CFHR2: variants seen among roughly 807,000 people sequenced by gnomAD.
CFHR2 encodes the protein complement factor H-related protein 2.
A neutral mutation model predicts 21.7 loss-of-function variants in CFHR2; 22 were observed. That is an observed-to-expected ratio of 1.01 (90% CI 0.72 to 1.45). The LOEUF is 1.45. Among genes scored for constraint, CFHR2 ranks in the 40% most tolerant of loss-of-function variants. The pLI is 0.00. For synonymous variants in CFHR2, 98 were observed against 97.4 expected, an observed-to-expected ratio of 1.01 and a Z score of -0.04; for missense variants, 294 against 293.3, an observed-to-expected ratio of 1.00 and a Z score of -0.02.
intron 2 of CFHR2, 80 bp downstream of exon 2, chr1:196,949,729 G>T (rs1314802737): frequency 1.3e-5 from 20 of 1,556,456 alleles, no homozygotes; most frequent in Non-Finnish European, 1.8e-5. Flanking sequence ...ATAAACACTT[G>T]ATAATCACAG....
In CFHR2 at chr1:196,954,572, A is replaced by T. The variant is rs9427650; in HGVS notation, c.431-3319A>T. ...TTTCCCTTCCACTCTGCCCTAGCAG[A>T]GGTTCTCCATGAACCTGCAGACTCC... On this transcript the variant is annotated intron_variant, in intron 3 of 4. Coordinates refer to ENST00000367415, the MANE Select transcript of CFHR2 (RefSeq NM_005666.4). Among the ~76,000 whole-genome samples the T allele has an allele frequency of 6.3e-3, 958 of 152,230 alleles. 9 individuals carry two copies. The highest frequency in any genetic ancestry group is 0.021 in the African/African-American group (891 of 41,562).
At chr1:196,951,439 A>T (rs964798626) in intron 3 of CFHR2, among the ~76,000 whole-genome samples, 1 of 152,186 alleles carries the variant, frequency 6.6e-6, no homozygotes, top group Non-Finnish European at 1.5e-5. Flanking sequence ...CATATGCTCT[A>T]TTCAATAAAT....
rs539727601 is a variant in CFHR2, at chr1:196,954,732, G to A, written c.431-3159G>A. Among the ~76,000 whole-genome samples the A allele has an allele frequency of 5.3e-5, 8 of 152,340 alleles. No homozygotes were observed. In the South Asian group the frequency reaches 1.4e-3, roughly 28 times the overall value. ...GCACCCACAGGCACAACACCATGTG[G>A]AAGCTGCCAAAGTTCGAGGTTTGCA... On this transcript the variant is annotated intron_variant, in intron 3 of 4. Coordinates refer to ENST00000367415, the MANE Select transcript of CFHR2 (RefSeq NM_005666.4).
chr1:196,954,268 A>G (rs555385160), intron 3 of CFHR2, among the ~76,000 whole-genome samples: 4 of 152,326 alleles, frequency 2.6e-5, no homozygotes, highest in Admixed American at 1.3e-4. Flanking sequence ...AAATCTCCAT[A>G]AAAGGTCTCA....
At position 196,958,028 on chromosome 1, in the gene CFHR2, A is replaced by C. The variant is rs1364896087; in HGVS notation, c.568A>C (p.Ile190Leu). 1 of 1,613,770 alleles carries C rather than the reference A, an allele frequency of 6.2e-7. No individual in the cohort carries two copies. The highest frequency in any genetic ancestry group is 1.1e-5 in the South Asian group (1 of 91,066). The change falls in exon 4 of 5, where the codon ATA becomes CTA. Residue 190 changes from isoleucine (I) to leucine (L), a missense_variant. Coordinates refer to ENST00000367415, the MANE Select transcript of CFHR2 (RefSeq NM_005666.4). ...NLYQLEGNNQ[I>L]TCRNGQWSEP... ...GTATCAACTTGAGGGTAACAATCAAATAACATGTAGAAACGGACAATGGTC... is the reference window on the plus strand; with the variant it reads ...GTATCAACTTGAGGGTAACAATCAACTAACATGTAGAAACGGACAATGGTC...
At position 196,959,476 on chromosome 1, in the gene CFHR2, T is replaced by C. The variant is rs1263074232; in HGVS notation, c.*396T>C. Among the ~76,000 whole-genome samples the C allele has an allele frequency of 1.3e-5, 2 of 152,052 alleles. No individual in the cohort carries two copies. The highest frequency in any genetic ancestry group is 2.9e-5 in the Non-Finnish European group (2 of 67,914). On this transcript the variant is annotated 3_prime_UTR_variant, in exon 5 of 5. Coordinates refer to ENST00000367415, the MANE Select transcript of CFHR2 (RefSeq NM_005666.4). ...CTCCTTCCAGCTATTTGGTACTTCA[T>C]AGTATATTACTGGTAACTGAAGGAA...
chr1:196,957,874 A>C lies in CFHR2; in HGVS notation c.431-17A>C. 1.9e-6 allele frequency: 3 copies of C among 1,607,074 alleles called. No homozygotes were observed. The highest frequency in any genetic ancestry group is 2.6e-6 in the Non-Finnish European group (3 of 1,175,804). On this transcript the variant is annotated splice_polypyrimidine_tract_variant and intron_variant, in intron 3 of 4. Transcript: ENST00000367415. ...TTTTTATTTACTCTCCCAGTAAATC[A>C]AATGATGTTTTTTTAGTTTCTGCAG...
chr1:196,952,344 A>G (rs1168866505), intron 3 of CFHR2, among the ~76,000 whole-genome samples: 1 of 152,204 alleles, frequency 6.6e-6, no homozygotes, highest in Non-Finnish European at 1.5e-5. Context: ...TTTTTCAGTA[A>G]ACAGTTAAGT....
At chr1:196,950,351 A>G (rs1659678516) in intron 2 of CFHR2, among the ~76,000 whole-genome samples, 1 of 152,230 alleles carries the variant, frequency 6.6e-6, no homozygotes, top group Non-Finnish European at 1.5e-5. Flanking sequence ...TGTACATATA[A>G]AGGAACCAAA....
chr1:196,952,930 C>T (rs1204970579), intron 3 of CFHR2, among the ~76,000 whole-genome samples: 1 of 152,176 alleles, frequency 6.6e-6, no homozygotes, highest in South Asian at 2.1e-4. Context: ...CATAAGGCAA[C>T]ATATTGAGGT....
At chr1:196,949,256 A>G (rs914250953) in intron 1 of CFHR2, among the ~76,000 whole-genome samples, 199 bp from the exon 2 acceptor site, 3 of 152,196 alleles carry the variant, frequency 2.0e-5, no homozygotes, top group African/African-American at 7.2e-5. Flanking sequence ...ATATTCATTA[A>G]CAATTACCTC....
intron 1 of CFHR2, among the ~76,000 whole-genome samples, chr1:196,948,769 G>A (rs12066959): frequency 0.26 from 40,118 of 151,670 alleles, 6,304 homozygotes; most frequent in East Asian, 0.72. Context: ...GGGGCTGACC[G>A]TATATATATG....
At position 196,959,013 on chromosome 1, in the gene CFHR2, A is replaced by C. The variant is rs1197201332; in HGVS notation, c.746A>C (p.Lys249Thr). ...FVCKSGYHPT[K>T]SHSFRAMCQN... is the part of the protein sequence containing the mutation. ...TGTAAATCTGGATATCATCCAACAA[A>C]ATCTCATTCATTTCGAGCAATGTGT... Residue 249 changes from lysine to threonine, a missense_variant, in exon 5 of 5, where the codon AAA (lysine) becomes ACA (threonine). Transcript: ENST00000367415. The C allele has an allele frequency of 6.2e-7, 1 of 1,612,624 alleles. No individual in the cohort carries two copies. Among genetic ancestry groups the C allele is most frequent in the Non-Finnish European group, 8.5e-7 (1 of 1,179,126 alleles).
rs776884192 is a variant in CFHR2, at chr1:196,958,044, G to C, written c.584G>C (p.Gly195Ala). Residue 195 changes from glycine to alanine, a missense_variant, in exon 4 of 5, where the codon GGA becomes GCA. Physicochemically the swap from Gly to Ala is moderately conservative, Grantham distance 60. Transcript: ENST00000367415. ...EGNNQITCRN[G>A]QWSEPPKCLD... ...AACAATCAAATAACATGTAGAAACG[G>C]ACAATGGTCAGAACCACCAAAATGC... is the stretch of plus-strand genomic sequence containing the variant. 8 of 1,613,420 alleles carry C rather than the reference G, an allele frequency of 5.0e-6. No individual in the cohort carries two copies. The Admixed American group carries it at 1.2e-4, about 24-fold the overall frequency.
At chr1:196,958,840 A>T (rs780705443) in intron 4 of CFHR2, 41 bp from the exon 5 acceptor site, 5 of 1,292,982 alleles carry the variant, frequency 3.9e-6, no homozygotes, top group Non-Finnish European at 3.3e-6. Context: ...GAAGATTTGC[A>T]TACTACTTAA....
intron 3 of CFHR2, among the ~76,000 whole-genome samples, chr1:196,956,334 A>T (rs561155663): frequency 6.6e-6 from 1 of 152,176 alleles, no homozygotes; most frequent in Non-Finnish European, 1.5e-5. Context: ...GTCAAAATAG[A>T]TGTATATTTT....
intron 2 of CFHR2, 92 bp downstream of exon 2, chr1:196,949,741 A>G: frequency 6.6e-7 from 1 of 1,507,084 alleles, no homozygotes; most frequent in Non-Finnish European, 9.2e-7. Flanking sequence ...TAATCACAGG[A>G]GCAGTGACCA....
At chr1:196,957,263 CTGCTGTGTCATTCCTTGA>C (rs1329301021) in intron 3 of CFHR2, among the ~76,000 whole-genome samples, 1 of 151,974 alleles carries the variant, frequency 6.6e-6, no homozygotes, top group Non-Finnish European at 1.5e-5. Flanking sequence ...ACATGACACC[CTGCTGTGTCATTCCTTGA>C]GTCCTGAAGT....
At chr1:196,948,793 A>G (rs2125005481) in intron 1 of CFHR2, among the ~76,000 whole-genome samples, 1 of 152,262 alleles carries the variant, frequency 6.6e-6, no homozygotes, top group African/African-American at 2.4e-5. Flanking sequence ...GTATACAAGT[A>G]TAAATATATA....
Sources: allele counts gnomAD v4.1 joint callset (sites outside exome capture counted in the v4.1 genomes callset), GRCh38; gene constraint gnomAD v4.1.1; transcripts MANE v1.5; gene names NCBI Gene and HGNC (gene_info 2026-07-23, HGNC 2026-07-21).